Variants in TOP3A observed in about 807,000 individuals in gnomAD.
TOP3A encodes the protein DNA topoisomerase 3-alpha.
In TOP3A, 64 loss-of-function variants were observed where a neutral mutation model predicts 111.3. The observed-to-expected ratio is 0.57, with a 90% CI of 0.47 to 0.71. The LOEUF (loss-of-function observed/expected upper bound fraction) is 0.71, where lower values mean the gene tolerates loss of function less well. Ranked by LOEUF, TOP3A falls within the 30% of genes least tolerant of loss-of-function variation. TOP3A has a pLI of 0.00. For missense variants in TOP3A, 1,104 were observed against 1,285.0 expected, an observed-to-expected ratio of 0.86 and a Z score of 2.15; for synonymous variants, 484 against 485.1, an observed-to-expected ratio of 1.00 and a Z score of 0.03.
Position 18,277,655 on chromosome 17 carries a change from C to T in TOP3A, c.2827+20G>A. 6.3e-7 allele frequency: 1 copy of T among 1,589,880 alleles called. No individual in the cohort carries two copies. Among genetic ancestry groups the T allele is most frequent in the Non-Finnish European group, 8.6e-7 (1 of 1,162,490 alleles). ...CCTGAAAACTGAAGGCAGGGATTCC[C>T]ATGCCCCTCCCTGCCTCACCTGGAG... On this transcript the variant is annotated intron_variant, in intron 18 of 18. Transcript: ENST00000321105.
chr17:18,271,855 G>A lies in TOP3A; in HGVS notation c.*2947C>T, dbSNP rs1267256470. The A allele has an allele frequency of 1.5e-5, 6 of 404,866 alleles. No individual in the cohort carries two copies. The East Asian group carries it at 3.0e-4, about 20-fold the overall frequency. The allele number at this position is 404,866 out of a possible 1,614,324, so 25.1% of individuals were successfully genotyped here. ...AGGCTGGTAGATCACCTGAGGTCACGAGTTTGAGACCAGCCTGGCCAACAT... is the reference window on the plus strand; with the variant it reads ...AGGCTGGTAGATCACCTGAGGTCACAAGTTTGAGACCAGCCTGGCCAACAT... On this transcript the variant is annotated 3_prime_UTR_variant, in exon 19 of 19. Coordinates refer to ENST00000321105, the MANE Select transcript of TOP3A (RefSeq NM_004618.5).
chr17:18,282,597 C>T (rs2142943556), intron 16 of TOP3A, 101 bp downstream of exon 16: 2 of 1,542,998 alleles, frequency 1.3e-6, no homozygotes. Context: ...ACAGGCCTGT[C>T]TTGAAAGATT....
chr17:18,310,045 G>A lies in TOP3A; in HGVS notation c.181-1104C>T, dbSNP rs537298442. 5.9e-5 allele frequency among the ~76,000 whole-genome samples: 9 copies of A among 152,126 alleles called. No individual in the cohort carries two copies. The South Asian group carries it at 1.7e-3, about 28-fold the overall frequency. ...GAAGTTCTATTCACAATAGTCAAAA[G>A]ATGAAAACAACCCAAATGTCCATCA... On this transcript the variant is annotated intron_variant, in intron 1 of 18. Transcript: ENST00000321105.
In TOP3A at chr17:18,282,751, C is replaced by A. The variant is rs145321967; in HGVS notation, c.1968G>T (p.Arg656Ser). The stretch of plus-strand genomic sequence containing the variant: ...TGTCCTTGTTGCACTGTGGGCACTT[C>A]CTGATGGGCTCTGGCATGGCTGGGT... The part of the protein sequence containing the change: ...DIYPAMPEPI[R>S]KCPQCNKDMV... The change falls in exon 16 of 19, where the codon AGG (arginine) becomes AGT (serine). Residue 656 changes from arginine to serine, a missense_variant. Coordinates refer to ENST00000321105, the MANE Select transcript of TOP3A (RefSeq NM_004618.5). 3 of 1,614,046 alleles carry A rather than the reference C, an allele frequency of 1.9e-6. No homozygotes were observed. The highest frequency in any genetic ancestry group is 2.5e-6 in the Non-Finnish European group (3 of 1,180,040).
intron 5 of TOP3A, 132 bp from the exon 6 acceptor site, chr17:18,302,855 CTATTAGGT>C (rs1431655070): frequency 9.6e-6 from 10 of 1,043,492 alleles, no homozygotes; most frequent in Non-Finnish European, 8.2e-6. Context: ...ACCAATTTAC[CTATTAGGT>C]TAAATCAATG....
intron 11 of TOP3A, among the ~76,000 whole-genome samples, chr17:18,291,869 C>T (rs1480140223): frequency 6.6e-6 from 1 of 152,038 alleles, no homozygotes; most frequent in Admixed American, 6.6e-5. Context: ...ACATGCCACC[C>T]CGTCCAACTA....
chr17:18,294,534 T>C (rs1297716296), intron 10 of TOP3A, among the ~76,000 whole-genome samples, 169 bp downstream of exon 10: 6 of 152,174 alleles, frequency 3.9e-5, no homozygotes, highest in Non-Finnish European at 1.5e-5. Context: ...TTCACCATGT[T>C]GGCCAGGATG....
chr17:18,308,298 A>T lies in TOP3A; in HGVS notation c.314+53T>A, dbSNP rs773894445. On this transcript the variant is annotated intron_variant, in intron 3 of 18. Coordinates refer to ENST00000321105, the MANE Select transcript of TOP3A (RefSeq NM_004618.5). ...TCAACATGCCTCAAAATTCCTGTGAAATTTCACAACTTACTATAATCTGAA... is the reference window on the plus strand; with the variant it reads ...TCAACATGCCTCAAAATTCCTGTGATATTTCACAACTTACTATAATCTGAA... 50 of 1,196,590 alleles carry T rather than the reference A, an allele frequency of 4.2e-5. No individual in the cohort carries two copies. In the African/African-American group the frequency reaches 6.3e-4, roughly 15 times the overall value. 74.1% of individuals were successfully genotyped at this position (1,196,590 alleles called of 1,614,324 possible).
rs1980434800 is a variant in TOP3A, at chr17:18,290,924, T to C, written c.1385A>G (p.Gln462Arg). The C allele has an allele frequency of 6.2e-7, 1 of 1,614,218 alleles. No individual in the cohort carries two copies. The highest frequency in any genetic ancestry group is 8.5e-7 in the Non-Finnish European group (1 of 1,180,044). ...GAGGCCATGGGCCACAAAGCGTTCC[T>C]GAGCGATGTCGATCTCCACTGTGGT... The part of the protein sequence containing the change: ...QETTVEIDIA[Q>R]ERFVAHGLMI... The change falls in exon 12 of 19, where the codon CAG (glutamine) becomes CGG (arginine). Residue 462 changes from glutamine to arginine, a missense_variant. Physicochemically the swap from Gln to Arg is conservative, Grantham distance 43. Coordinates refer to ENST00000321105, the MANE Select transcript of TOP3A (RefSeq NM_004618.5).
intron 16 of TOP3A, 113 bp from the exon 17 acceptor site, chr17:18,280,771 G>T: frequency 8.1e-7 from 1 of 1,228,920 alleles, no homozygotes; most frequent in Non-Finnish European, 1.2e-6. Flanking sequence ...TCCCTTTTCT[G>T]GATGACACTT....
chr17:18,290,739 CA>C, intron 12 of TOP3A, 53 bp from the exon 13 acceptor site: 1 of 1,572,474 alleles, frequency 6.4e-7, no homozygotes, highest in Non-Finnish European at 8.6e-7. Context: ...CACACTCAGG[CA>C]AAAAATAACC....
intron 8 of TOP3A, 83 bp downstream of exon 8, chr17:18,301,802 G>T: frequency 8.4e-7 from 1 of 1,190,162 alleles, no homozygotes. Flanking sequence ...TCCAATGGGA[G>T]AATGAGACAG....
rs781189773 is a variant in TOP3A, at chr17:18,290,677, C to G, written c.1477G>C (p.Val493Leu). The G allele has an allele frequency of 9.4e-6, 15 of 1,601,056 alleles. No individual in the cohort carries two copies. Among genetic ancestry groups the G allele is most frequent in the Non-Finnish European group, 1.3e-5 (15 of 1,172,216 alleles). ...TGAAAGTGGGATCCTTGCTCATAGA[C>G]AGGGAGGATCTACAGGGAGCGGCAG... The part of the protein sequence containing the change: ...YDHWSDKILP[V>L]YEQGSHFQPS... The change falls in exon 13 of 19, where the codon GTC (valine) becomes CTC (leucine). Residue 493 changes from valine to leucine, a missense_variant. Transcript: ENST00000321105.
At chr17:18,292,585 C>T in intron 11 of TOP3A, 60 bp downstream of exon 11, 1 of 1,406,198 alleles carries the variant, frequency 7.1e-7, no homozygotes, top group Non-Finnish European at 9.6e-7. Context: ...TCAAACCTTA[C>T]TACTGACCCC....
At chr17:18,279,264 T>A (rs551044094) in intron 17 of TOP3A, among the ~76,000 whole-genome samples, 113 of 149,760 alleles carry the variant, frequency 7.5e-4, no homozygotes, top group Middle Eastern at 6.8e-3. Context: ...ATTATTAAAA[T>A]TTTTTTTTTT....
intron 4 of TOP3A, 96 bp from the exon 5 acceptor site, chr17:18,305,316 T>A: frequency 9.8e-7 from 1 of 1,023,256 alleles, no homozygotes; most frequent in Non-Finnish European, 1.5e-6. Context: ...AGGTTAATGC[T>A]GCTCTTGGAG....
At chr17:18,305,359 A>G (rs1419734706) in intron 4 of TOP3A, 139 bp from the exon 5 acceptor site, 1 of 691,568 alleles carries the variant, frequency 1.4e-6, no homozygotes, top group East Asian at 2.7e-5. Context: ...GAGAACAGAG[A>G]AAACTGCTCT....
chr17:18,294,829 C>T (rs749634356), intron 9 of TOP3A, 44 bp from the exon 10 acceptor site: 1 of 1,319,386 alleles, frequency 7.6e-7, no homozygotes, highest in Non-Finnish European at 1.1e-6. Context: ...CTGCATGGGT[C>T]AGGCAGCACA....
At chr17:18,278,559 G>A (rs1220992510) in intron 17 of TOP3A, among the ~76,000 whole-genome samples, 2 of 152,144 alleles carry the variant, frequency 1.3e-5, no homozygotes, top group African/African-American at 4.8e-5. Flanking sequence ...GGGAAACAGT[G>A]CAGATGAAAT....
Sources: allele counts gnomAD v4.1 joint callset (sites outside exome capture counted in the v4.1 genomes callset), GRCh38; gene constraint gnomAD v4.1.1; transcripts MANE v1.5; gene names NCBI Gene and HGNC (gene_info 2026-07-23, HGNC 2026-07-21).